YY1AP1: variants seen among roughly 807,000 people sequenced by gnomAD.
The protein encoded by YY1AP1 is YY1-associated protein 1.
Under a neutral mutation model 39.9 loss-of-function variants are expected in YY1AP1, and 43 were observed. The ratio of observed to expected loss-of-function variants is 1.08; its 90% CI spans 0.84 to 1.39. YY1AP1 has a LOEUF of 1.39. Ranked by LOEUF, YY1AP1 falls within the 40% of genes most tolerant of loss-of-function variation. The pLI is 0.00. For synonymous variants in YY1AP1, 292 were observed against 331.3 expected (o/e 0.88, Z 1.29); for missense variants, 813 against 900.7 (o/e 0.90, Z 1.25).
chr1:155,679,901 C>G (rs1166938817), intron 3 of YY1AP1: 1 of 633,122 alleles, frequency 1.6e-6, no homozygotes, highest in East Asian at 8.2e-5. Flanking sequence ...CAAAAGTTTT[C>G]AAGGGGCAAG....
At chr1:155,678,636 TA>T (rs1651068004) in intron 4 of YY1AP1, among the ~76,000 whole-genome samples, 1 of 152,336 alleles carries the variant, frequency 6.6e-6, no homozygotes, top group African/African-American at 2.4e-5. Context: ...TTCTAGTTTT[TA>T]AGACATTGGT....
chr1:155,688,373 G>A (rs769104797), intron 1 of YY1AP1, 172 bp from the exon 2 acceptor site: 10 of 1,544,756 alleles, frequency 6.5e-6, no homozygotes, highest in Non-Finnish European at 8.7e-6. Context: ...CAGAGGGAGG[G>A]AGCTAAGGGC....
At position 155,664,007 on chromosome 1, in the gene YY1AP1, T is replaced by C. The variant is rs1386519036; in HGVS notation, c.880-2584A>G. On this transcript the variant is annotated intron_variant, in intron 9 of 10. Transcript: ENST00000355499. ...CTGGCCAACATAACGAGACCATGTCTTAAAAAAAAAAAAAAAAAAAATTAG... is the reference window on the plus strand; with the variant it reads ...CTGGCCAACATAACGAGACCATGTCCTAAAAAAAAAAAAAAAAAAAATTAG... Among the ~76,000 whole-genome samples the C allele has an allele frequency of 3.4e-4, 43 of 127,818 alleles. No homozygotes were observed. In the Admixed American group the frequency reaches 3.5e-3, roughly 11 times the overall value. 83.9% of individuals were successfully genotyped at this position (127,818 alleles called of 152,430 possible).
intron 9 of YY1AP1, among the ~76,000 whole-genome samples, chr1:155,662,331 A>G (rs893261223): frequency 2.6e-5 from 4 of 151,772 alleles, no homozygotes; most frequent in Admixed American, 1.3e-4. Context: ...TCTCTACTAA[A>G]AATACAAAAA....
chr1:155,685,513 A>G (rs1306860473), intron 2 of YY1AP1, among the ~76,000 whole-genome samples: 1 of 152,234 alleles, frequency 6.6e-6, no homozygotes, highest in East Asian at 1.9e-4. Flanking sequence ...GAACAAAAAG[A>G]TACTGACAAA....
chr1:155,680,273 G>T, intron 3 of YY1AP1, 143 bp downstream of exon 3: 26 of 808,102 alleles, frequency 3.2e-5, no homozygotes, highest in Non-Finnish European at 3.9e-5. Flanking sequence ...AATTTCTTTT[G>T]TCATTATATT....
chr1:155,678,318 G>C (rs764333050), intron 4 of YY1AP1, among the ~76,000 whole-genome samples: 2 of 152,232 alleles, frequency 1.3e-5, no homozygotes, highest in Admixed American at 6.5e-5. Flanking sequence ...CAGAGGGTAT[G>C]ACCATGAGAT....
At chr1:155,664,745 C>T (rs1053390773) in intron 9 of YY1AP1, among the ~76,000 whole-genome samples, 2 of 147,008 alleles carry the variant, frequency 1.4e-5, no homozygotes, top group African/African-American at 5.0e-5. Flanking sequence ...GACATCGATA[C>T]AATCAAAAGA....
At chr1:155,672,830 G>A in intron 6 of YY1AP1, 99 bp from the exon 7 acceptor site, 2 of 1,519,128 alleles carry the variant, frequency 1.3e-6, no homozygotes, top group Non-Finnish European at 1.8e-6. Flanking sequence ...CCTACTACAG[G>A]ATAAAAACAG....
chr1:155,671,802 TA>T (rs1385136491), intron 7 of YY1AP1, among the ~76,000 whole-genome samples: 1 of 152,214 alleles, frequency 6.6e-6, no homozygotes, highest in Non-Finnish European at 1.5e-5. Context: ...ATAATATAGC[TA>T]TTAAAGTAGT....
chr1:155,675,619 C>G (rs182094522), intron 5 of YY1AP1, among the ~76,000 whole-genome samples: 5 of 151,942 alleles, frequency 3.3e-5, no homozygotes, highest in Non-Finnish European at 7.4e-5. Context: ...CCACTGTGCC[C>G]AGCCTTATTT....
At chr1:155,687,857 C>T (rs1477994273) in intron 2 of YY1AP1, 18 of 530,576 alleles carry the variant, frequency 3.4e-5, no homozygotes, top group East Asian at 1.5e-4. Context: ...CAGCCCCCTC[C>T]GGGAGTCTGC....
At chr1:155,663,013 C>T (rs1003084088) in intron 9 of YY1AP1, among the ~76,000 whole-genome samples, 1 of 150,946 alleles carries the variant, frequency 6.6e-6, no homozygotes, top group African/African-American at 2.4e-5. Flanking sequence ...CCCGACACCC[C>T]GCCCCATCCC....
At position 155,660,259 on chromosome 1, in the gene YY1AP1, C is replaced by T; in HGVS notation, c.1651G>A (p.Ala551Thr). 6.2e-7 allele frequency: 1 copy of T among 1,614,150 alleles called. No homozygotes were observed. The highest frequency in any genetic ancestry group is 8.5e-7 in the Non-Finnish European group (1 of 1,180,028). The change falls in exon 11 of 11, where the codon GCA (alanine) becomes ACA (threonine). Residue 551 changes from alanine to threonine, a missense_variant. Around this residue, in one of 3 missense-constraint regions of YY1AP1, gnomAD observed 586 missense variants for 647.4 expected, o/e 0.91. Coordinates refer to ENST00000355499, the MANE Select transcript of YY1AP1 (RefSeq NM_139119.3). Reference sequence around the variant, plus strand: ...GCAGGAACAGTGAAGATAACAGATGCAGGGTGGATAACAGGGGCAGGTTTG... The same window carrying T: ...GCAGGAACAGTGAAGATAACAGATGTAGGGTGGATAACAGGGGCAGGTTTG... ...CIKPAPVIHP[A>T]SVIFTVPATT...
intron 6 of YY1AP1, among the ~76,000 whole-genome samples, chr1:155,673,899 C>T (rs1490828523): frequency 1.3e-5 from 2 of 151,912 alleles, no homozygotes; most frequent in African/African-American, 2.4e-5. Flanking sequence ...CGGTGGCTCA[C>T]GCCTGTAATC....
At position 155,659,884 on chromosome 1, in the gene YY1AP1, C is replaced by T. The variant is rs766396211; in HGVS notation, c.2026G>A (p.Glu676Lys). 6.8e-6 allele frequency: 11 copies of T among 1,614,188 alleles called. No homozygotes were observed. The highest frequency in any genetic ancestry group is 8.5e-6 in the Non-Finnish European group (10 of 1,180,036). Residue 676 changes from glutamate (E) to lysine (K), a missense_variant, in exon 11 of 11, where the codon GAA becomes AAA. Glu to Lys is a moderately conservative substitution (Grantham distance 56). Transcript: ENST00000355499. ...ACTGGTGGAGGCCCTGGGCTATGTT[C>T]CACTTTGGGGAAAACAGTAGCAGAG... ...PLSATVFPKV[E>K]HSPGPPPVDK...
chr1:155,670,675 CTTTTTTTT>C (rs58881636), intron 7 of YY1AP1: 7 of 326,002 alleles, frequency 2.1e-5, no homozygotes, highest in Non-Finnish European at 4.0e-5. Flanking sequence ...TAAAAGTTGA[CTTTTTTTT>C]TTTTTTTTTT....
At chr1:155,674,155 C>T (rs867493165) in intron 6 of YY1AP1, among the ~76,000 whole-genome samples, 2,335 of 117,350 alleles carry the variant, frequency 0.02, 89 homozygotes, top group African/African-American at 0.079. Flanking sequence ...AGCGAGACTC[C>T]GTCTCAAAAA....
intron 5 of YY1AP1, 126 bp from the exon 6 acceptor site, chr1:155,675,222 G>A (rs1475727663): frequency 2.5e-6 from 2 of 802,846 alleles, no homozygotes; most frequent in East Asian, 2.8e-5. Context: ...GTGCAGTGGT[G>A]CAACCATGAC....
Sources: allele counts gnomAD v4.1 joint callset (sites outside exome capture counted in the v4.1 genomes callset), GRCh38; gene constraint gnomAD v4.1.1; regional missense constraint gnomAD v4.1.1; transcripts MANE v1.5; gene names NCBI Gene and HGNC (gene_info 2026-07-23, HGNC 2026-07-21).